ZNF492: variants seen among roughly 807,000 people sequenced by gnomAD.
ZNF492 encodes the protein zinc finger protein 115 (Y20).
A neutral mutation model predicts 6.4 loss-of-function variants in ZNF492; 3 were observed. The observed-to-expected ratio is 0.47, with a 90% CI of 0.21 to 1.22. The LOEUF (loss-of-function observed/expected upper bound fraction) is 1.22, where lower values mean the gene tolerates loss of function less well. Among genes scored for constraint, ZNF492 ranks in the 50% most tolerant of loss-of-function variants. ZNF492 has a pLI of 0.22. For missense variants in ZNF492, 356 were observed against 612.5 expected (o/e 0.58, Z 4.42); for synonymous variants, 112 against 205.3 (o/e 0.55, Z 3.89).
chr19:22,653,245 A>G (rs1599399370), intron 1 of ZNF492, 62 bp from the exon 2 acceptor site: 2 of 1,579,942 alleles, frequency 1.3e-6, no homozygotes, highest in East Asian at 2.2e-5. Flanking sequence ...ACCTTGAGTC[A>G]AATTAAAAAT....
At position 22,665,367 on chromosome 19, in the gene ZNF492, G is replaced by A. The variant is rs909233492; in HGVS notation, c.*102G>A. On this transcript the variant is annotated 3_prime_UTR_variant, in exon 4 of 4. Transcript: ENST00000456783. ...ACTTCTACAAGTGTGAATGAACAGT[G>A]TGGCAAAACTTACACAATGCTCAAA... is the stretch of plus-strand genomic sequence containing the variant. 1.3e-5 allele frequency: 20 copies of A among 1,488,498 alleles called. No homozygotes were observed. Among genetic ancestry groups the A allele is most frequent in the Middle Eastern group, 1.8e-4 (1 of 5,446 alleles). 92.2% of individuals were successfully genotyped at this position (1,488,498 alleles called of 1,614,324 possible).
chr19:22,654,253 C>G (rs1971971194), intron 3 of ZNF492, among the ~76,000 whole-genome samples: 2 of 152,110 alleles, frequency 1.3e-5, no homozygotes, highest in Admixed American at 1.3e-4. Context: ...ACAGTGACAG[C>G]CAAGACAGCC....
In ZNF492 at chr19:22,655,815, T is replaced by G. The variant is rs1568355661; in HGVS notation, c.130+1800T>G. On this transcript the variant is annotated intron_variant, in intron 3 of 3. Transcript: ENST00000456783. ...AAACACCTCTTCAAGTTTTTCTTGT[T>G]GTTTTTTTTTTTTTTTTTTTTTTTT... Among the ~76,000 whole-genome samples the G allele has an allele frequency of 3.4e-4, 33 of 95,830 alleles. 1 individual carries two copies. The highest frequency in any genetic ancestry group is 6.6e-4 in the Non-Finnish European group (32 of 48,698). The allele number at this position is 95,830 out of a possible 152,430, so 62.9% of individuals were successfully genotyped here.
intron 3 of ZNF492, among the ~76,000 whole-genome samples, chr19:22,657,541 T>C (rs1193037308): frequency 6.6e-6 from 1 of 152,134 alleles, no homozygotes; most frequent in Admixed American, 6.5e-5. Flanking sequence ...TGATTCAAAA[T>C]AGCCACCTTC....
rs565077129 is a variant in ZNF492, at chr19:22,666,788, A to C, written c.*1523A>C. 6.6e-6 allele frequency: 1 copy of C among 152,340 alleles called. No individual in the cohort carries two copies. Among genetic ancestry groups the C allele is most frequent in the East Asian group, 1.9e-4 (1 of 5,186 alleles). 9.4% of individuals were successfully genotyped at this position (152,340 alleles called of 1,614,324 possible). ...TTTTACTAATTTTACTTTTATGAAA[A>C]TGCAGTACATGTTAAAAATTTTAGA... On this transcript the variant is annotated 3_prime_UTR_variant, in exon 4 of 4. Coordinates refer to ENST00000456783, the MANE Select transcript of ZNF492 (RefSeq NM_020855.3).
chr19:22,654,012 C>G lies in ZNF492; in HGVS notation c.127C>G (p.Pro43Ala). 1.3e-6 allele frequency: 2 copies of G among 1,596,736 alleles called. No individual in the cohort carries two copies. The highest frequency in any genetic ancestry group is 2.3e-5 in the South Asian group (2 of 87,380). ...GAGACATGAGATGGTAGCTGAACCC[C>G]CAGGTAGGTGAGAGTGAAAGTGAAT... ...VKRHEMVAEPPVVCSYFARDL... is the reference protein window; with the variant it reads ...VKRHEMVAEPAVVCSYFARDL... The change falls in exon 3 of 4, where the codon CCA becomes GCA. Residue 43 changes from proline to alanine, a missense_variant. Pro to Ala is a conservative substitution (Grantham distance 27, BLOSUM62 -1). Transcript: ENST00000456783.
chr19:22,647,727 GT>G (rs71180575), intron 1 of ZNF492, among the ~76,000 whole-genome samples: 92 of 92,572 alleles, frequency 9.9e-4, no homozygotes, highest in Middle Eastern at 6.1e-3. Flanking sequence ...AGCTCTTTTA[GT>G]TTTTTTTTTT....
chr19:22,664,855 G>A lies in ZNF492; in HGVS notation c.1186G>A (p.Glu396Lys), dbSNP rs780273793. 5 of 1,610,702 alleles carry A rather than the reference G, an allele frequency of 3.1e-6. No homozygotes were observed. In the East Asian group the frequency reaches 1.1e-4, roughly 36 times the overall value. ...TACTGGAGAGAAGCCCTACAAATGT[G>A]AAGAATGTGGCAAAGCTTTTAACCT... ...IHTGEKPYKC[E>K]ECGKAFNLSS... The change falls in exon 4 of 4, where the codon GAA (glutamate) becomes AAA (lysine). Residue 396 changes from glutamate (E) to lysine (K), a missense_variant. This residue lies in a region of ZNF492 where 21 missense variants were observed against 55.3 expected (regional missense o/e 0.38). Coordinates refer to ENST00000456783, the MANE Select transcript of ZNF492 (RefSeq NM_020855.3).
Position 22,667,463 on chromosome 19 carries a change from A to G in ZNF492, c.*2198A>G, listed in dbSNP as rs1230162754. ...TGGCATATTCTGATAAGAGGCATAC[A>G]ATATGTAATAATCACATTAGGGTAA... is the stretch of plus-strand genomic sequence containing the variant. On this transcript the variant is annotated 3_prime_UTR_variant, in exon 4 of 4. Coordinates refer to ENST00000456783, the MANE Select transcript of ZNF492 (RefSeq NM_020855.3). 1.3e-5 allele frequency: 2 copies of G among 152,074 alleles called. No homozygotes were observed. Among genetic ancestry groups the G allele is most frequent in the Non-Finnish European group, 2.9e-5 (2 of 67,980 alleles). The allele number at this position is 152,074 out of a possible 1,614,324, so 9.4% of individuals were successfully genotyped here.
intron 1 of ZNF492, among the ~76,000 whole-genome samples, chr19:22,648,033 C>T (rs1971902797): frequency 6.6e-6 from 1 of 152,114 alleles, no homozygotes; most frequent in South Asian, 2.1e-4. Context: ...CGTTCCCCGA[C>T]TTAGCTCTTT....
intron 1 of ZNF492, among the ~76,000 whole-genome samples, chr19:22,638,944 G>C (rs1260828124): frequency 1.3e-5 from 2 of 152,030 alleles, no homozygotes; most frequent in African/African-American, 2.4e-5. Context: ...CCGGGTTCAA[G>C]CAATTCTCTC....
chr19:22,666,773 TTTAC>T lies in ZNF492; in HGVS notation c.*1511_*1514del, dbSNP rs1274158139. 1 of 152,188 alleles carries T rather than the reference TTTAC, an allele frequency of 6.6e-6. No homozygotes were observed. The highest frequency in any genetic ancestry group is 1.9e-4 in the East Asian group (1 of 5,192). The allele number at this position is 152,188 out of a possible 1,614,324, so 9.4% of individuals were successfully genotyped here. A position where few individuals can be genotyped will look rare whatever the true frequency, so the allele number is the denominator to read the frequency against. On this transcript the variant is annotated 3_prime_UTR_variant, in exon 4 of 4. Transcript: ENST00000456783. ...TAAATTAGTATATTATTTTACTAATTTTACTTTTATGAAAATGCAGTACATGTTA... is the reference window on the plus strand; with the variant it reads ...TAAATTAGTATATTATTTTACTAATTTTTTATGAAAATGCAGTACATGTTA...
chr19:22,644,249 C>G lies in ZNF492; in HGVS notation c.-93-9058C>G, dbSNP rs189004802. Among the ~76,000 whole-genome samples, 92 of 152,190 alleles carry G rather than the reference C, an allele frequency of 6.0e-4. No homozygotes were observed. In the Middle Eastern group the frequency reaches 0.01, roughly 17 times the overall value. ...ATTCTTAATGATGAAATATTGAATA[C>G]TTATTTTATTTTTATTTTACTTTAA... On this transcript the variant is annotated intron_variant, in intron 1 of 3. Coordinates refer to ENST00000456783, the MANE Select transcript of ZNF492 (RefSeq NM_020855.3).
chr19:22,641,115 T>C (rs997151552), intron 1 of ZNF492, among the ~76,000 whole-genome samples: 22 of 152,312 alleles, frequency 1.4e-4, no homozygotes, highest in African/African-American at 4.8e-4. Context: ...CATTCAGAAA[T>C]GATTTTGGTT....
intron 1 of ZNF492, among the ~76,000 whole-genome samples, chr19:22,638,861 G>A (rs1253995247): frequency 2.0e-5 from 3 of 151,946 alleles, no homozygotes; most frequent in African/African-American, 7.3e-5. Flanking sequence ...TTGTTTGTTT[G>A]AGATGGAGTC....
chr19:22,651,729 T>G (rs1568354619), intron 1 of ZNF492, among the ~76,000 whole-genome samples: 1 of 152,010 alleles, frequency 6.6e-6, no homozygotes, highest in Non-Finnish European at 1.5e-5. Context: ...GGGTCCTTAA[T>G]AAAGATGGAG....
intron 1 of ZNF492, among the ~76,000 whole-genome samples, chr19:22,643,864 A>G (rs1465939545): frequency 1.3e-5 from 2 of 152,186 alleles, no homozygotes; most frequent in African/African-American, 4.8e-5. Flanking sequence ...CCTGTGCACT[A>G]AAGGGTAGTC....
At chr19:22,647,511 A>G (rs983126764) in intron 1 of ZNF492, among the ~76,000 whole-genome samples, 11 of 146,344 alleles carry the variant, frequency 7.5e-5, no homozygotes, top group East Asian at 6.3e-4. Context: ...ATCCCCCCCA[A>G]TCTCGGCCTC....
In ZNF492 at chr19:22,642,462, T is replaced by A. The variant is rs756340608; in HGVS notation, c.-94+7988T>A. On this transcript the variant is annotated intron_variant, in intron 1 of 3. Transcript: ENST00000456783. ...TGGAGTGCAATGGCATGATCTTGGC[T>A]CACTGCAAGCTCTGCCTCCCGGGTT... Among the ~76,000 whole-genome samples the A allele has an allele frequency of 3.5e-4, 44 of 124,226 alleles. 4 individuals are homozygous for A. The highest frequency in any genetic ancestry group is 5.7e-4 in the Non-Finnish European group (36 of 63,168). The allele number at this position is 124,226 out of a possible 152,430, so 81.5% of individuals were successfully genotyped here.
Sources: gnomAD v4.1 joint callset for allele counts (sites outside exome capture counted in the v4.1 genomes callset) on GRCh38, gnomAD v4.1.1 for gene constraint, gnomAD v4.1.1 regional missense constraint, MANE v1.5 for transcripts, NCBI Gene and HGNC (gene_info 2026-07-23, HGNC 2026-07-21) for gene names.